The following LRTM3 variants were observed in gnomAD, a reference collection of about 807,000 sequenced individuals.
LRTM3 encodes leucine rich repeat transmembrane protein 3, also known as leucine-rich repeat transmembrane protein 3.
At chr13:102,735,310 A>G in the LRTM3 span, 4 of 1,551,112 alleles carry the variant, frequency 2.6e-6, no homozygotes, top group East Asian at 2.4e-5. Context: ...ATTGCTTTAC[A>G]TCACTTGAAA....
chr13:102,746,413 G>C, the LRTM3 span: 1 of 1,551,160 alleles, frequency 6.4e-7, no homozygotes, highest in South Asian at 1.2e-5. Context: ...GAGACGCAGG[G>C]AGACAGAACT....
chr13:102,742,519 G>GA, the LRTM3 span: 3 of 1,550,144 alleles, frequency 1.9e-6, no homozygotes, highest in South Asian at 1.2e-5. Flanking sequence ...GTATCTTAGA[G>GA]AAAAAAACAG....
chr13:102,744,599 T>C, the LRTM3 span: 3 of 1,550,642 alleles, frequency 1.9e-6, no homozygotes, highest in East Asian at 7.3e-5. Context: ...GTGAGACAAA[T>C]TCCAAGATCT....
chr13:102,732,577 T>C, the LRTM3 span: 6 of 1,551,082 alleles, frequency 3.9e-6, no homozygotes, highest in Non-Finnish European at 5.2e-6. Context: ...CTTCTAGTTC[T>C]TTTTTCTGCT....
At chr13:102,738,131 TTCAA>T in the LRTM3 span, 2 of 1,551,116 alleles carry the variant, frequency 1.3e-6, no homozygotes, top group Middle Eastern at 1.7e-4. Context: ...CTCTTTAGTA[TTCAA>T]TGGTAGGTCC....
chr13:102,739,006 T>A, the LRTM3 span: 2 of 1,550,392 alleles, frequency 1.3e-6, no homozygotes, highest in South Asian at 2.4e-5. Context: ...GCTGCTCACA[T>A]TTTTCCATTG....
At chr13:102,745,570 A>T in the LRTM3 span, 1 of 1,551,032 alleles carries the variant, frequency 6.4e-7, no homozygotes, top group Non-Finnish European at 8.7e-7. Context: ...TTGCCTTTAT[A>T]ATTCCACATT....
At chr13:102,755,086 A>C in the LRTM3 span, among the ~76,000 whole-genome samples, 1 of 152,166 alleles carries the variant, frequency 6.6e-6, no homozygotes, top group Non-Finnish European at 1.5e-5. Flanking sequence ...TGCTTTGCTT[A>C]CTGAGACGAT....
chr13:102,735,952 T>C, the LRTM3 span: 3 of 1,546,826 alleles, frequency 1.9e-6, no homozygotes, highest in Non-Finnish European at 2.6e-6. Flanking sequence ...AGTAGTTCTT[T>C]CCATTGCATA....
the LRTM3 span, chr13:102,736,077 T>A: frequency 6.5e-7 from 1 of 1,541,368 alleles, no homozygotes; most frequent in Non-Finnish European, 8.8e-7. Flanking sequence ...ATTTGTTGGT[T>A]TGCTTTTAGT....
chr13:102,732,091 T>G, the LRTM3 span: 1 of 1,551,432 alleles, frequency 6.4e-7, no homozygotes, highest in African/African-American at 1.4e-5. Flanking sequence ...CTTGTGGAAC[T>G]GTGTTTGTAA....
the LRTM3 span, chr13:102,747,854 C>T: frequency 6.4e-7 from 1 of 1,551,314 alleles, no homozygotes; most frequent in Non-Finnish European, 8.7e-7. Context: ...GGCTTTACTA[C>T]TTCCTGAACT....
the LRTM3 span, among the ~76,000 whole-genome samples, chr13:102,756,687 A>AC: frequency 1.3e-5 from 1 of 75,580 alleles, no homozygotes; most frequent in Non-Finnish European, 2.9e-5. Flanking sequence ...AAAAAAAAAA[A>AC]AAAAAAAACA....
chr13:102,742,053 G>A, the LRTM3 span: 1 of 1,550,444 alleles, frequency 6.4e-7, no homozygotes, highest in Non-Finnish European at 8.7e-7. Flanking sequence ...GGCTGTGGAA[G>A]AATGCATGTC....
At chr13:102,744,019 G>C in the LRTM3 span, 17 of 1,550,084 alleles carry the variant, frequency 1.1e-5, no homozygotes, top group Non-Finnish European at 1.5e-5. Flanking sequence ...CTGCTGTATT[G>C]TATAAGAGTT....
At chr13:102,756,588 C>T in the LRTM3 span, among the ~76,000 whole-genome samples, 2 of 141,774 alleles carry the variant, frequency 1.4e-5, no homozygotes, top group South Asian at 4.6e-4. Context: ...GCAGGAGAAT[C>T]ACTTGAACCC....
At chr13:102,742,235 G>A in the LRTM3 span, 1 of 1,550,408 alleles carries the variant, frequency 6.4e-7, no homozygotes, top group Non-Finnish European at 8.7e-7. Flanking sequence ...ATTGCTTGCA[G>A]TACCATACTC....
the LRTM3 span, chr13:102,737,531 T>C: frequency 1.3e-6 from 2 of 1,550,728 alleles, no homozygotes; most frequent in Non-Finnish European, 1.7e-6. Flanking sequence ...TTCTCCGTCC[T>C]CTTTCCCTTG....
the LRTM3 span, chr13:102,739,347 C>T: frequency 1.9e-6 from 3 of 1,549,446 alleles, no homozygotes; most frequent in African/African-American, 2.7e-5. Context: ...CACTTTGATT[C>T]TATTACATTA....
Sources: gnomAD v4.1 joint callset for allele counts (sites outside exome capture counted in the v4.1 genomes callset) on GRCh38, gnomAD v4.1.1 for gene constraint, MANE v1.5 for transcripts, NCBI Gene and HGNC (gene_info 2026-07-23, HGNC 2026-07-21) for gene names.